ZC3H12B: variants seen among roughly 807,000 people sequenced by gnomAD.
The protein encoded by ZC3H12B is zinc finger CCCH-type containing 12B.
A neutral mutation model predicts 43.9 loss-of-function variants in ZC3H12B; 7 were observed. The ratio of observed to expected loss-of-function variants is 0.16; its 90% CI spans 0.09 to 0.30. The LOEUF (loss-of-function observed/expected upper bound fraction) is 0.30. Ranked by LOEUF, ZC3H12B falls within the 10% of genes least tolerant of loss-of-function variation. The probability of loss-of-function intolerance (pLI) is 1.00; values close to 1 mark genes in which losing one functional copy is unlikely to be tolerated. For synonymous variants in ZC3H12B, 222 were observed against 241.7 expected, an observed-to-expected ratio of 0.92 and a Z score of 0.76; for missense variants, 475 against 670.2, an observed-to-expected ratio of 0.71 and a Z score of 3.22.
the ZC3H12B span, among the ~76,000 whole-genome samples, chrX:65,211,454 T>C: frequency 9.3e-6 from 1 of 107,332 alleles, no homozygotes; most frequent in Non-Finnish European, 1.9e-5. Context: ...CATGCTAAAT[T>C]CTTTAATATG....
chrX:65,452,685 A>G (rs2067533278), intron 3 of ZC3H12B, among the ~76,000 whole-genome samples: 1 of 111,276 alleles, frequency 9.0e-6, no homozygotes, highest in South Asian at 3.8e-4. Context: ...TACTAAAAAT[A>G]CAAAAATTTG....
chrX:65,289,055 A>T, the ZC3H12B span, among the ~76,000 whole-genome samples: 3 of 111,087 alleles, frequency 2.7e-5, no homozygotes, highest in South Asian at 1.1e-3. Context: ...TATCTGTGCA[A>T]GGAAAACTAC....
At chrX:65,327,194 A>G in the ZC3H12B span, among the ~76,000 whole-genome samples, 4 of 111,498 alleles carry the variant, frequency 3.6e-5, no homozygotes, top group South Asian at 1.5e-3. Flanking sequence ...TAGCCAAGTT[A>G]TGGAATCAAC....
the ZC3H12B span, among the ~76,000 whole-genome samples, chrX:65,306,212 T>A: frequency 8.9e-6 from 1 of 112,216 alleles, no homozygotes; most frequent in African/African-American, 3.2e-5. Flanking sequence ...TTTTAAAAGT[T>A]GATTATAAGA....
chrX:65,042,484 A>G, the ZC3H12B span, among the ~76,000 whole-genome samples: 2 of 112,882 alleles, frequency 1.8e-5, no homozygotes, highest in Non-Finnish European at 1.9e-5. Context: ...ACATTTGAAT[A>G]CAAATGTTTC....
At chrX:65,121,605 C>A in the ZC3H12B span, among the ~76,000 whole-genome samples, 1 of 111,343 alleles carries the variant, frequency 9.0e-6, no homozygotes. Context: ...AAACCAGCTC[C>A]TGGATTCATT....
At chrX:65,456,713 G>C (rs907739056) in intron 3 of ZC3H12B, among the ~76,000 whole-genome samples, 21 of 109,122 alleles carry the variant, frequency 1.9e-4, no homozygotes, top group Non-Finnish European at 3.8e-4. Context: ...CGAGGCACCG[G>C]GATTGCAGAC....
At chrX:65,363,523 C>T (rs1311583921), upstream of ZC3H12B, among the ~76,000 whole-genome samples, 1 of 111,638 alleles carries the variant, frequency 9.0e-6, no homozygotes, top group Non-Finnish European at 1.9e-5. Context: ...TCTAGCTGAT[C>T]CCATAGATCC....
At chrX:65,257,222 T>G in the ZC3H12B span, among the ~76,000 whole-genome samples, 351 of 111,878 alleles carry the variant, frequency 3.1e-3, 2 homozygotes, top group African/African-American at 0.011. Context: ...ATCAATGATA[T>G]ACTGGATTAA....
At chrX:65,260,139 G>T in the ZC3H12B span, among the ~76,000 whole-genome samples, 1 of 109,248 alleles carries the variant, frequency 9.2e-6, no homozygotes, top group Non-Finnish European at 1.9e-5. Flanking sequence ...CTCAGGTGAT[G>T]GGTGCACCAA....
At chrX:65,170,228 G>A in the ZC3H12B span, among the ~76,000 whole-genome samples, 15,892 of 110,850 alleles carry the variant, frequency 0.14, 2,742 homozygotes, top group African/African-American at 0.49. Flanking sequence ...AGGCAGGCCC[G>A]GTGGTGACAA....
the ZC3H12B span, among the ~76,000 whole-genome samples, chrX:65,071,029 T>G: frequency 4.6e-5 from 5 of 108,981 alleles, no homozygotes; most frequent in Non-Finnish European, 9.5e-5. Context: ...CTCAATGATT[T>G]TTTTTCATAT....
chrX:65,173,549 G>T, the ZC3H12B span, among the ~76,000 whole-genome samples: 1 of 111,728 alleles, frequency 9.0e-6, no homozygotes, highest in Non-Finnish European at 1.9e-5. Flanking sequence ...TATGATATTG[G>T]CTATGGGTTT....
At chrX:65,312,777 G>T in the ZC3H12B span, among the ~76,000 whole-genome samples, 2 of 111,723 alleles carry the variant, frequency 1.8e-5, no homozygotes, top group East Asian at 5.6e-4. Context: ...CAGCTCTCTG[G>T]GACATCTATT....
chrX:65,504,519 G>A (rs1210516594), exon 5 of ZC3H12B: 1 of 112,295 alleles, frequency 8.9e-6, no homozygotes, highest in East Asian at 2.8e-4. Flanking sequence ...CAGAGAAACT[G>A]ATGGTTAAGC....
At chrX:65,040,253 T>G in the ZC3H12B span, among the ~76,000 whole-genome samples, 2 of 111,462 alleles carry the variant, frequency 1.8e-5, no homozygotes, top group Admixed American at 1.9e-4. Context: ...TTTTCAGGGC[T>G]GGGTATATAT....
chrX:65,058,845 G>A, the ZC3H12B span, among the ~76,000 whole-genome samples: 29 of 112,145 alleles, frequency 2.6e-4, no homozygotes, highest in Admixed American at 1.5e-3. Context: ...AGCAATGAGC[G>A]AGGCTTCGTG....
chrX:65,162,757 T>A, the ZC3H12B span, among the ~76,000 whole-genome samples: 1 of 107,704 alleles, frequency 9.3e-6, no homozygotes, highest in Non-Finnish European at 1.9e-5. Context: ...GAAGCCTTCT[T>A]CTCTCACCTC....
At chrX:65,053,369 T>C in the ZC3H12B span, among the ~76,000 whole-genome samples, 2 of 110,886 alleles carry the variant, frequency 1.8e-5, no homozygotes, top group East Asian at 5.7e-4. Context: ...TTGGTTTTTT[T>C]TCCTTGCGAT....
Sources: allele counts gnomAD v4.1 joint callset (sites outside exome capture counted in the v4.1 genomes callset), GRCh38; gene constraint gnomAD v4.1.1; transcripts MANE v1.5; gene names NCBI Gene and HGNC (gene_info 2026-07-23, HGNC 2026-07-21).